Variants in TENM2 observed in about 807,000 individuals in gnomAD.
TENM2 encodes teneurin transmembrane protein 2, also known as teneurin-2.
In TENM2, 52 loss-of-function variants were observed where a neutral mutation model predicts 245.2. That is an observed-to-expected ratio of 0.21 (90% CI 0.17 to 0.27). TENM2 has a LOEUF of 0.27. TENM2 is among the 10% of genes least tolerant of loss of function. The probability of loss-of-function intolerance (pLI) is 1.00; values close to 1 mark genes in which losing one functional copy is unlikely to be tolerated. For synonymous variants in TENM2, 1,363 were observed against 1,438.9 expected, an observed-to-expected ratio of 0.95 and a Z score of 1.19; for missense variants, 3,046 against 3,666.8, an observed-to-expected ratio of 0.83 and a Z score of 4.37.
intron 13 of TENM2, among the ~76,000 whole-genome samples, chr5:168,181,743 C>T (rs549659624): frequency 7.4e-6 from 1 of 134,992 alleles, no homozygotes; most frequent in African/African-American, 2.8e-5. Context: ...GTGATGCAAT[C>T]TCAGCTCACT....
intron 2 of TENM2, among the ~76,000 whole-genome samples, chr5:167,833,262 T>C (rs983802169): frequency 2.0e-5 from 3 of 152,186 alleles, no homozygotes; most frequent in African/African-American, 7.2e-5. Context: ...TTAAAACTTG[T>C]TTAGTAATAA....
intron 1 of TENM2, among the ~76,000 whole-genome samples, chr5:167,310,474 T>G (rs190376013): frequency 6.6e-5 from 10 of 151,826 alleles, no homozygotes; most frequent in Admixed American, 2.6e-4. Context: ...TTTCAAAAAA[T>G]AAAAAAAGAA....
At chr5:167,256,999 A>G in the TENM2 span, among the ~76,000 whole-genome samples, 4 of 152,104 alleles carry the variant, frequency 2.6e-5, no homozygotes, top group African/African-American at 9.7e-5. Flanking sequence ...TATACTTGGA[A>G]AAAAGTTTCA....
chr5:167,194,258 TCA>T, the TENM2 span, among the ~76,000 whole-genome samples: 5 of 152,106 alleles, frequency 3.3e-5, no homozygotes, highest in African/African-American at 1.2e-4. Context: ...AAAAAACATA[TCA>T]GACTCATTTG....
At position 167,825,880 on chromosome 5, in the gene TENM2, AC is replaced by A. The variant is rs1437913747; in HGVS notation, c.503-50105del. On this transcript the variant is annotated intron_variant, in intron 2 of 28. Coordinates refer to ENST00000518659, the Ensembl canonical transcript of TENM2. Reference sequence around the variant, plus strand: ...TAATGATAATTAAAAAAAAAAAAAAACAACTGTGACCCAGGTATCAGCTCAA... The same window carrying A: ...TAATGATAATTAAAAAAAAAAAAAAAAACTGTGACCCAGGTATCAGCTCAA... 4.6e-5 allele frequency among the ~76,000 whole-genome samples: 7 copies of A among 150,654 alleles called. No individual in the cohort carries two copies. In the South Asian group the frequency reaches 6.4e-4, roughly 14 times the overall value.
In TENM2 at chr5:168,247,084, T is replaced by C. The variant is rs747817884; in HGVS notation, c.6145T>C (p.Leu2049=). 1.7e-5 allele frequency: 27 copies of C among 1,613,946 alleles called. No individual in the cohort carries two copies. The African/African-American group carries it at 2.7e-4, about 16-fold the overall frequency. The stretch of plus-strand genomic sequence containing the variant: ...CGGGTATGACGAGACCACTGGTGTC[T>C]TGAAGATGGTCAACCTCCAAAGTGG... The change falls in exon 27 of 29, where the codon TTG becomes CTG. Residue 2049 remains leucine (L), a synonymous_variant. Coordinates refer to ENST00000518659, the Ensembl canonical transcript of TENM2. The surrounding 1 kb of genome is among the most constrained non-coding windows in gnomAD (Gnocchi z 7.8).
chr5:167,781,594 A>C (rs1187269800), intron 2 of TENM2, among the ~76,000 whole-genome samples: 4 of 152,190 alleles, frequency 2.6e-5, no homozygotes, highest in African/African-American at 9.7e-5. Context: ...GTTTGCTGAG[A>C]AAAGAAAGAA....
intron 2 of TENM2, among the ~76,000 whole-genome samples, chr5:167,486,069 A>G (rs1160213332): frequency 6.6e-6 from 1 of 150,690 alleles, no homozygotes; most frequent in Non-Finnish European, 1.5e-5. Context: ...AGTTTCTGAG[A>G]AAAAAAAAAT....
At chr5:167,555,437 ATACCCTAC>A (rs762530205) in intron 2 of TENM2, among the ~76,000 whole-genome samples, 3 of 149,388 alleles carry the variant, frequency 2.0e-5, no homozygotes, top group Non-Finnish European at 4.4e-5. Flanking sequence ...ACTTGGTTGG[ATACCCTAC>A]TGTCCGTTAA....
intron 12 of TENM2, among the ~76,000 whole-genome samples, chr5:168,157,418 T>C (rs1478860139): frequency 6.6e-6 from 1 of 152,112 alleles, no homozygotes; most frequent in Non-Finnish European, 1.5e-5. Context: ...ACATGGATGA[T>C]GGTACAAGAC....
At chr5:168,059,982 T>G (rs1024334249) in intron 6 of TENM2, among the ~76,000 whole-genome samples, 1 of 151,978 alleles carries the variant, frequency 6.6e-6, no homozygotes, top group Non-Finnish European at 1.5e-5. Context: ...AGTATCAAAG[T>G]TAGGATTTGA....
the TENM2 span, among the ~76,000 whole-genome samples, chr5:167,268,421 A>G: frequency 6.6e-6 from 1 of 152,216 alleles, no homozygotes; most frequent in African/African-American, 2.4e-5. Context: ...CCTAAATACA[A>G]GCAATTTATT....
chr5:168,005,492 G>A (rs892423240), intron 5 of TENM2, among the ~76,000 whole-genome samples: 2 of 151,966 alleles, frequency 1.3e-5, no homozygotes, highest in Non-Finnish European at 2.9e-5. Context: ...AAACTTTATC[G>A]TACCTGTGTC....
intron 13 of TENM2, among the ~76,000 whole-genome samples, chr5:168,188,447 A>G (rs1262301156): frequency 1.3e-5 from 2 of 152,220 alleles, no homozygotes; most frequent in Non-Finnish European, 2.9e-5. Flanking sequence ...ATTCGTTCTT[A>G]TCAGAAATTC....
intron 2 of TENM2, among the ~76,000 whole-genome samples, chr5:167,388,676 T>A (rs1761587791): frequency 6.6e-6 from 1 of 152,150 alleles, no homozygotes; most frequent in Non-Finnish European, 1.5e-5. Flanking sequence ...ACCTTTGCTG[T>A]GTCCCAGAGG....
At chr5:168,225,620 G>A (rs185612011) in intron 23 of TENM2, among the ~76,000 whole-genome samples, 2 of 152,190 alleles carry the variant, frequency 1.3e-5, no homozygotes, top group Admixed American at 6.5e-5. Context: ...AATTGGCCAG[G>A]CATCGTGGTG....
the TENM2 span, among the ~76,000 whole-genome samples, chr5:167,256,172 C>G: frequency 6.6e-6 from 1 of 152,152 alleles, no homozygotes; most frequent in Non-Finnish European, 1.5e-5. Context: ...AACTGGCCCA[C>G]TTGCACTGCA....
intron 2 of TENM2, among the ~76,000 whole-genome samples, chr5:167,719,003 G>A (rs895505163): frequency 1.3e-5 from 2 of 152,018 alleles, no homozygotes; most frequent in Non-Finnish European, 2.9e-5. Context: ...TGTTTTTCAG[G>A]TATACAACTA....
At chr5:167,535,284 A>C in intron 2 of TENM2, among the ~76,000 whole-genome samples, 1 of 151,878 alleles carries the variant, frequency 6.6e-6, no homozygotes, top group East Asian at 1.9e-4. Flanking sequence ...TCTGCGCCTC[A>C]AAGGGGTGAC....
Sources: allele counts gnomAD v4.1 joint callset (sites outside exome capture counted in the v4.1 genomes callset), GRCh38; gene constraint gnomAD v4.1.1; non-coding constraint Gnocchi (gnomAD v3.1); transcripts MANE v1.5; gene names NCBI Gene and HGNC (gene_info 2026-07-23, HGNC 2026-07-21).